Variants in PUDP observed in about 807,000 individuals in gnomAD.
PUDP encodes pseudouridine 5'-phosphatase, also known as pseudouridine-5'-phosphatase.
A neutral mutation model predicts 9.4 loss-of-function variants in PUDP; 8 were observed. That is an observed-to-expected ratio of 0.85 (90% CI 0.50 to 1.53). PUDP has a LOEUF of 1.53. Among genes scored for constraint, PUDP ranks in the 40% most tolerant of loss-of-function variants. The pLI, the probability that PUDP is intolerant of heterozygous loss-of-function variation, is 0.00. For synonymous variants in PUDP, 99 were observed against 80.7 expected (o/e 1.23, Z -1.22); for missense variants, 188 against 189.7 (o/e 0.99, Z 0.05).
intron 1 of PUDP, among the ~76,000 whole-genome samples, chrX:6,713,782 T>C (rs1924562834): frequency 9.0e-6 from 1 of 110,560 alleles, no homozygotes; most frequent in Non-Finnish European, 1.9e-5. Flanking sequence ...GCACTGTGGA[T>C]CCATAGATTG....
chrX:6,913,631 A>T (rs1602670538), intron 3 of PUDP, among the ~76,000 whole-genome samples: 1 of 111,831 alleles, frequency 8.9e-6, no homozygotes, highest in Admixed American at 9.5e-5. Context: ...TTTTTTGGAA[A>T]TATTTTGTCT....
rs773742894 is a variant in PUDP at position 7,066,493 on chromosome X, C to T, written c.510+10727G>A. ...GATCATCAGGCATTAGATTCTCATA[C>T]GGAGCACACAACTCAGATCCCCTGC... On this transcript the variant is annotated intron_variant, in intron 3 of 3. Coordinates refer to ENST00000381077, the MANE Select transcript of PUDP (RefSeq NM_012080.5). Among the ~76,000 whole-genome samples, 7 of 111,017 alleles carry T rather than the reference C, an allele frequency of 6.3e-5. No individual in the cohort carries two copies. The South Asian group carries it at 1.2e-3, about 19-fold the overall frequency.
intron 3 of PUDP, among the ~76,000 whole-genome samples, chrX:6,921,687 C>T (rs1928025883): frequency 9.1e-6 from 1 of 110,000 alleles, no homozygotes; most frequent in South Asian, 4.0e-4. Flanking sequence ...AATATCCCAT[C>T]CTAGATAACT....
At chrX:7,127,030 AGCATAGGGTATGGTTCCTGCTAT>A (rs1303141213) in intron 1 of PUDP, among the ~76,000 whole-genome samples, 2 of 111,882 alleles carry the variant, frequency 1.8e-5, no homozygotes, top group Non-Finnish European at 3.8e-5. Flanking sequence ...AGAACCAAAA[AGCATAGGGTATGGTTCCTGCTAT>A]GCAGAGTGTA....
rs370293955 is a variant in PUDP, at chrX:7,050,311, C to T, written c.672G>A (p.Leu224=). 8 of 1,210,812 alleles carry T rather than the reference C, an allele frequency of 6.6e-6. No individual in the cohort carries two copies. Among genetic ancestry groups the T allele is most frequent in the East Asian group, 5.9e-5 (2 of 33,811 alleles). The change falls in exon 4 of 4, where the codon TTG becomes TTA. Residue 224 remains leucine, a synonymous_variant. Coordinates refer to ENST00000381077, the MANE Select transcript of PUDP (RefSeq NM_012080.5). ...LQDFQPELFG[L]PSYE Reference sequence around the variant, plus strand: ...GCCCTCCCTCTCACTCATAGGAGGGCAAACCAAACAGCTCGGGCTGGAAGT... The same window carrying T: ...GCCCTCCCTCTCACTCATAGGAGGGTAAACCAAACAGCTCGGGCTGGAAGT...
intron 3 of PUDP, among the ~76,000 whole-genome samples, chrX:6,785,411 G>T (rs1925629904): frequency 8.9e-6 from 1 of 111,977 alleles, no homozygotes; most frequent in African/African-American, 3.2e-5. Context: ...GTTTCCAAGA[G>T]ATTTCACATT....
chrX:6,854,548 CA>C (rs1444970740), intron 3 of PUDP, among the ~76,000 whole-genome samples: 1 of 112,002 alleles, frequency 8.9e-6, no homozygotes, highest in African/African-American at 3.2e-5. Context: ...TTTGGCTCCC[CA>C]AAAACTTAAC....
intron 3 of PUDP, among the ~76,000 whole-genome samples, chrX:6,772,953 C>A (rs1426200201): frequency 1.8e-5 from 2 of 112,151 alleles, no homozygotes; most frequent in African/African-American, 3.2e-5. Context: ...ATAGTTGAAG[C>A]TTTTTCCACA....
intron 3 of PUDP, among the ~76,000 whole-genome samples, chrX:6,976,655 G>T (rs187303101): frequency 8.9e-6 from 1 of 111,803 alleles, no homozygotes; most frequent in Non-Finnish European, 1.9e-5. Flanking sequence ...CAGTCATCTC[G>T]CCAGCCACCC....
At chrX:7,095,755 G>A (rs1183994925) in intron 2 of PUDP, among the ~76,000 whole-genome samples, 2 of 112,454 alleles carry the variant, frequency 1.8e-5, no homozygotes, top group African/African-American at 6.5e-5. Context: ...TTATCAGAGC[G>A]GCCTATAAAC....
intron 3 of PUDP, among the ~76,000 whole-genome samples, chrX:6,780,732 C>T (rs1925547147): frequency 9.1e-6 from 1 of 109,922 alleles, no homozygotes; most frequent in South Asian, 3.9e-4. Flanking sequence ...TAAACATGTA[C>T]ACACACACAC....
At chrX:7,033,588 G>A (rs901614499) in intron 1 of PUDP, among the ~76,000 whole-genome samples, 2 of 111,726 alleles carry the variant, frequency 1.8e-5, no homozygotes, top group African/African-American at 6.5e-5. Context: ...TGTGGCAGTG[G>A]CTGAGTGTAG....
At chrX:6,755,726 G>A (rs1166069580) in intron 3 of PUDP, among the ~76,000 whole-genome samples, 1 of 110,885 alleles carries the variant, frequency 9.0e-6, no homozygotes, top group East Asian at 2.8e-4. Flanking sequence ...ATCTGTGTAG[G>A]GAACTTCATC....
intron 3 of PUDP, among the ~76,000 whole-genome samples, chrX:6,871,525 T>G (rs1418062385): frequency 8.9e-6 from 1 of 111,977 alleles, no homozygotes; most frequent in Non-Finnish European, 1.9e-5. Context: ...CACTTAACCA[T>G]ATTTCCTTCA....
At chrX:7,070,729 C>G (rs1930706511) in intron 3 of PUDP, among the ~76,000 whole-genome samples, 1 of 110,895 alleles carries the variant, frequency 9.0e-6, no homozygotes, top group South Asian at 3.9e-4. Flanking sequence ...AGGTGTGCAC[C>G]ACCATACTTA....
At chrX:7,046,170 C>T (rs1929981249), downstream of PUDP, among the ~76,000 whole-genome samples, 2 of 112,251 alleles carry the variant, frequency 1.8e-5, no homozygotes, top group Admixed American at 1.9e-4. Context: ...CACTGAAGCT[C>T]ATTAACCACC....
At chrX:6,869,533 C>A (rs920984611) in intron 3 of PUDP, among the ~76,000 whole-genome samples, 1 of 111,667 alleles carries the variant, frequency 9.0e-6, no homozygotes, top group Admixed American at 9.6e-5. Context: ...GTTACTTGGG[C>A]TTATACTGTG....
intron 3 of PUDP, among the ~76,000 whole-genome samples, chrX:7,071,194 T>A (rs1930720456): frequency 8.9e-6 from 1 of 111,959 alleles, no homozygotes; most frequent in African/African-American, 3.2e-5. Flanking sequence ...CAAGTTGATA[T>A]GAATATATGC....
In PUDP at chrX:6,974,619, C is replaced by T. The variant is rs772553387; in HGVS notation, c.*247+2514G>A. On this transcript the variant is annotated intron_variant and NMD_transcript_variant, in intron 3 of 3. Transcript: ENST00000655425. The stretch of plus-strand genomic sequence containing the variant: ...GGGCTTCCCTTTGTGGGTAACCCGA[C>T]CTTTCTCTCTGGCTGCCCTTAACAT... 1.0e-3 allele frequency among the ~76,000 whole-genome samples: 115 copies of T among 111,945 alleles called. 1 individual carries two copies. The highest frequency in any genetic ancestry group is 4.6e-3 in the Middle Eastern group (1 of 216).
Sources: allele counts gnomAD v4.1 joint callset (sites outside exome capture counted in the v4.1 genomes callset), GRCh38; gene constraint gnomAD v4.1.1; transcripts MANE v1.5; gene names NCBI Gene and HGNC (gene_info 2026-07-23, HGNC 2026-07-21).